The following CNBD1 variants were observed in gnomAD, a reference collection of about 807,000 sequenced individuals.
CNBD1 encodes the protein cyclic nucleotide binding domain containing 1, also known as cyclic nucleotide-binding domain-containing protein 1.
A neutral mutation model predicts 54.4 loss-of-function variants in CNBD1; 71 were observed. The ratio of observed to expected loss-of-function variants is 1.30; its 90% CI spans 1.08 to 1.59. The LOEUF (loss-of-function observed/expected upper bound fraction) is 1.59. Among genes scored for constraint, CNBD1 ranks in the 40% most tolerant of loss-of-function variants. The pLI, the probability that CNBD1 is intolerant of heterozygous loss-of-function variation, is 0.00. For missense variants in CNBD1, 659 were observed against 518.0 expected (o/e 1.27, Z -2.64); for synonymous variants, 182 against 170.7 (o/e 1.07, Z -0.51).
In CNBD1 at chr8:87,399,425, A is replaced by G. The variant is rs143912395; in HGVS notation, c.214-29121A>G. Among the ~76,000 whole-genome samples, 457 of 152,102 alleles carry G rather than the reference A, an allele frequency of 3.0e-3. 5 individuals carry two copies. Among genetic ancestry groups the G allele is most frequent in the African/African-American group, 9.9e-3 (410 of 41,538 alleles). On this transcript the variant is annotated intron_variant, in intron 2 of 7. Transcript: ENST00000521593. Reference sequence around the variant, plus strand: ...CTTCATTTGTGAACATTATGAAGGAAATCACTTAATTGGAGGTAAACTTGT... The same window carrying G: ...CTTCATTTGTGAACATTATGAAGGAGATCACTTAATTGGAGGTAAACTTGT...
In CNBD1 at chr8:86,906,230, A is replaced by G. The variant is rs1809014394; in HGVS notation, c.272+1036A>G. ...AAATTATTGTAACAAATATGTCTCC[A>G]GGGGTTGGAAGATATCAGCATGAGA... On this transcript the variant is annotated intron_variant, in intron 3 of 10. Transcript: ENST00000518476. Among the ~76,000 whole-genome samples the G allele has an allele frequency of 8.5e-5, 13 of 152,318 alleles. No individual in the cohort carries two copies. The South Asian group carries it at 2.7e-3, about 32-fold the overall frequency.
intron 4 of CNBD1, among the ~76,000 whole-genome samples, chr8:87,124,293 C>T (rs1811949790): frequency 6.6e-6 from 1 of 151,622 alleles, no homozygotes; most frequent in Non-Finnish European, 1.5e-5. Flanking sequence ...GCACACAGCA[C>T]ATTCTCCAGA....
rs1030633403 is a variant in CNBD1 at position 87,163,442 on chromosome 8, A to C, written c.432-42551A>C. Reference sequence around the variant, plus strand: ...GAATAATTTAATATTAATTTCTTCAACCCATGAATACAAGGTATCTTTCCA... The same window carrying C: ...GAATAATTTAATATTAATTTCTTCACCCCATGAATACAAGGTATCTTTCCA... On this transcript the variant is annotated intron_variant, in intron 4 of 10. Coordinates refer to ENST00000518476, the MANE Select transcript of CNBD1 (RefSeq NM_173538.3). This position sits in a 1 kb window ranked among gnomAD's most constrained non-coding sequence, Gnocchi z 4.5. Among the ~76,000 whole-genome samples the C allele has an allele frequency of 1.3e-5, 2 of 151,956 alleles. No homozygotes were observed. Among genetic ancestry groups the C allele is most frequent in the Non-Finnish European group, 2.9e-5 (2 of 67,944 alleles).
At chr8:86,897,322 G>T (rs193178437) in intron 2 of CNBD1, among the ~76,000 whole-genome samples, 1 of 152,240 alleles carries the variant, frequency 6.6e-6, no homozygotes, top group East Asian at 1.9e-4. Context: ...CAGAAATCTA[G>T]TTACCAAAGA....
At chr8:87,344,836 AATTGAACT>A (rs1180977990) in intron 8 of CNBD1, among the ~76,000 whole-genome samples, 1 of 152,136 alleles carries the variant, frequency 6.6e-6, no homozygotes, top group Non-Finnish European at 1.5e-5. Flanking sequence ...CTGCTTAAAT[AATTGAACT>A]GAAATCATTA....
chr8:87,318,276 A>T (rs1018133104), intron 8 of CNBD1, among the ~76,000 whole-genome samples: 1 of 151,996 alleles, frequency 6.6e-6, no homozygotes, highest in African/African-American at 2.4e-5. Context: ...GATTCCAAGC[A>T]TTTAAATTTT....
chr8:87,240,629 T>C (rs1172729876), intron 6 of CNBD1, among the ~76,000 whole-genome samples: 2 of 152,322 alleles, frequency 1.3e-5, no homozygotes, highest in East Asian at 3.9e-4. Context: ...TTTAAATTGG[T>C]CTATTCCCCT....
At chr8:87,055,226 G>C (rs985380592) in intron 4 of CNBD1, among the ~76,000 whole-genome samples, 20 of 152,286 alleles carry the variant, frequency 1.3e-4, no homozygotes, top group Admixed American at 1.2e-3. Context: ...ACAGCAGAGA[G>C]GGGTCCTGGA....
At chr8:87,335,397 G>A (rs1809923449) in intron 8 of CNBD1, among the ~76,000 whole-genome samples, 1 of 152,104 alleles carries the variant, frequency 6.6e-6, no homozygotes, top group Non-Finnish European at 1.5e-5. Flanking sequence ...CCTGTATTGG[G>A]TGTATATATA....
chr8:87,077,327 G>A (rs1334801329), intron 4 of CNBD1, among the ~76,000 whole-genome samples: 1 of 151,890 alleles, frequency 6.6e-6, no homozygotes, highest in Non-Finnish European at 1.5e-5. Flanking sequence ...TTCTCTTCCC[G>A]GTTTATGAAT....
At chr8:87,329,122 T>G (rs7819936) in intron 8 of CNBD1, among the ~76,000 whole-genome samples, 57,803 of 151,862 alleles carry the variant, frequency 0.38, 11,283 homozygotes, top group Middle Eastern at 0.46. Flanking sequence ...TCTTTGTCTA[T>G]ATTCGCTCTT....
intron 8 of CNBD1, among the ~76,000 whole-genome samples, chr8:87,322,549 G>A (rs1809559653): frequency 8.4e-6 from 1 of 118,476 alleles, no homozygotes; most frequent in Admixed American, 8.3e-5. Context: ...TTTCTCTGAT[G>A]GCCAGTAATG....
At chr8:86,888,214 A>G (rs956543176) in intron 2 of CNBD1, among the ~76,000 whole-genome samples, 8 of 152,072 alleles carry the variant, frequency 5.3e-5, no homozygotes, top group Non-Finnish European at 1.5e-5. Context: ...TTCTCTCTCT[A>G]CTTTAAAACA....
At chr8:87,372,468 C>T (rs1810832914) in intron 10 of CNBD1, among the ~76,000 whole-genome samples, 1 of 151,872 alleles carries the variant, frequency 6.6e-6, no homozygotes, top group African/African-American at 2.4e-5. Context: ...TTTGTTCCCA[C>T]TCCACTGATT....
chr8:87,424,676 C>A (rs1726654996), intron 2 of CNBD1, among the ~76,000 whole-genome samples: 4 of 152,154 alleles, frequency 2.6e-5, no homozygotes, highest in Admixed American at 2.6e-4. Flanking sequence ...TGTACGGTTT[C>A]TGCCAAGAGA....
chr8:87,136,110 G>A lies in CNBD1; in HGVS notation c.432-69883G>A, dbSNP rs572395721. ...TGCTTGGAGAAGATAGAATAGTTGA[G>A]AAGGTAACAATTAATACCCAAAAAT... On this transcript the variant is annotated intron_variant, in intron 4 of 10. Coordinates refer to ENST00000518476, the MANE Select transcript of CNBD1 (RefSeq NM_173538.3). 2.0e-5 allele frequency among the ~76,000 whole-genome samples: 3 copies of A among 152,068 alleles called. No homozygotes were observed. In the East Asian group the frequency reaches 5.8e-4, roughly 29 times the overall value.
At chr8:87,238,321 A>T (rs1056922318) in intron 6 of CNBD1, among the ~76,000 whole-genome samples, 1 of 152,136 alleles carries the variant, frequency 6.6e-6, no homozygotes, top group African/African-American at 2.4e-5. Flanking sequence ...AACTCTACCC[A>T]CTACCAAGTA....
intron 4 of CNBD1, among the ~76,000 whole-genome samples, chr8:87,142,396 G>T (rs1812388760): frequency 1.3e-5 from 2 of 152,142 alleles, no homozygotes; most frequent in South Asian, 4.1e-4. Flanking sequence ...TGAAGGGTAG[G>T]ATTGGGGACC....
At chr8:86,875,195 T>C (rs1055196620) in intron 1 of CNBD1, among the ~76,000 whole-genome samples, 17 of 152,068 alleles carry the variant, frequency 1.1e-4, no homozygotes, top group African/African-American at 3.9e-4. Flanking sequence ...TAATCTATCT[T>C]CCATATTCAC....
Sources: allele counts gnomAD v4.1 joint callset (sites outside exome capture counted in the v4.1 genomes callset), GRCh38; gene constraint gnomAD v4.1.1; non-coding constraint Gnocchi (gnomAD v3.1); transcripts MANE v1.5; gene names NCBI Gene and HGNC (gene_info 2026-07-23, HGNC 2026-07-21).